Variants in CWC25 observed in about 807,000 individuals in gnomAD.
CWC25 encodes CWC25 spliceosome associated protein.
CWC25 carries 31 observed loss-of-function variants against 54.6 expected under a neutral mutation model. That is an observed-to-expected ratio of 0.57 (90% CI 0.43 to 0.77). The LOEUF (loss-of-function observed/expected upper bound fraction) is 0.77. Ranked by LOEUF, CWC25 falls within the 30% of genes least tolerant of loss-of-function variation. The pLI is 0.00. For synonymous variants in CWC25, 151 were observed against 187.0 expected (o/e 0.81, Z 1.57); for missense variants, 453 against 529.3 (o/e 0.86, Z 1.41).
At chr17:38,803,142 A>G (rs1272096704) in intron 8 of CWC25, among the ~76,000 whole-genome samples, 1 of 152,228 alleles carries the variant, frequency 6.6e-6, no homozygotes, top group East Asian at 1.9e-4. Context: ...AGGAACCTAA[A>G]CTTGTAGCAA....
Position 38,814,937 on chromosome 17 carries a change from T to C in CWC25, c.352A>G (p.Ile118Val), listed in dbSNP as rs1294996980. ...GAATTGGCACCTGATGGGGCAAAGA[T>C]AGAGCCTGGGAGAAGTCCTGTTTCA... ...SSETGLLPGSIFAPSGANSLL... is the reference protein window; with the variant it reads ...SSETGLLPGSVFAPSGANSLL... Residue 118 changes from isoleucine to valine, a missense_variant, in exon 3 of 10, where the codon ATC becomes GTC. Physicochemically the swap from Ile to Val is conservative, Grantham distance 29. This residue lies in a region of CWC25 where 444 missense variants were observed against 499.2 expected (regional missense o/e 0.89). Transcript: ENST00000614790. 6 of 1,613,712 alleles carry C rather than the reference T, an allele frequency of 3.7e-6. No homozygotes were observed. The highest frequency in any genetic ancestry group is 1.7e-5 in the Admixed American group (1 of 59,936).
Position 38,812,787 on chromosome 17 carries a change from C to G in CWC25, c.498+8G>C. On this transcript the variant is annotated splice_region_variant and intron_variant, in intron 4 of 9. Transcript: ENST00000614790. The stretch of plus-strand genomic sequence containing the variant: ...ATGCTCTTGGTGCTTATCTGGTATA[C>G]TACTTACCAATTCTTTGATTTTCTT... 3 of 1,455,694 alleles carry G rather than the reference C, an allele frequency of 2.1e-6. No individual in the cohort carries two copies. The highest frequency in any genetic ancestry group is 2.8e-6 in the Non-Finnish European group (3 of 1,059,594). 90.2% of individuals were successfully genotyped at this position (1,455,694 alleles called of 1,614,324 possible).
At position 38,801,868 on chromosome 17, in the gene CWC25, C is replaced by A. The variant is rs1911041895; in HGVS notation, c.*224G>T. 2.3e-6 allele frequency: 1 copy of A among 426,096 alleles called. No homozygotes were observed. The highest frequency in any genetic ancestry group is 4.2e-6 in the Non-Finnish European group (1 of 238,660). 26.4% of individuals were successfully genotyped at this position (426,096 alleles called of 1,614,324 possible). On this transcript the variant is annotated 3_prime_UTR_variant, in exon 10 of 10. Transcript: ENST00000614790. ...TCCCACCGAGATGGTCCAGTGCCCA[C>A]CCGTTAAAGAGTCAAAACCCAAAGT...
chr17:38,802,785 G>A lies in CWC25; in HGVS notation c.1078C>T (p.Leu360=). 1 of 1,613,982 alleles carries A rather than the reference G, an allele frequency of 6.2e-7. No individual in the cohort carries two copies. ...ENAKWREEER[L]NILKRHAKDE... is the part of the protein sequence containing the mutation. ...TTAGCATGCCTCTTGAGGATGTTCAGTCTCTCCTCCTCCCTCCATTTGGCG... is the reference window on the plus strand; with the variant it reads ...TTAGCATGCCTCTTGAGGATGTTCAATCTCTCCTCCTCCCTCCATTTGGCG... The change falls in exon 9 of 10, where the codon CTG becomes TTG. Residue 360 remains leucine (L), a synonymous_variant. Transcript: ENST00000614790.
At chr17:38,822,189 G>T (rs1415828101) in intron 1 of CWC25, among the ~76,000 whole-genome samples, 1 of 151,992 alleles carries the variant, frequency 6.6e-6, no homozygotes, top group African/African-American at 2.4e-5. Flanking sequence ...TCAGCCTCCT[G>T]AGTAGCTGGG....
At chr17:38,824,452 C>T (rs1411326937) in intron 1 of CWC25, among the ~76,000 whole-genome samples, 1 of 151,414 alleles carries the variant, frequency 6.6e-6, no homozygotes, top group Non-Finnish European at 1.5e-5. Flanking sequence ...TCTGGGAGGC[C>T]GAGGCGGGCG....
chr17:38,816,087 G>A (rs1203354163), intron 2 of CWC25, among the ~76,000 whole-genome samples: 3 of 152,100 alleles, frequency 2.0e-5, no homozygotes. Context: ...AAAGTGGTGA[G>A]AAAGTGGAAC....
chr17:38,806,828 C>G lies in CWC25; in HGVS notation c.839G>C (p.Gly280Ala), dbSNP rs1381359107. The G allele has an allele frequency of 6.2e-7, 1 of 1,613,034 alleles. No individual in the cohort carries two copies. The highest frequency in any genetic ancestry group is 8.5e-7 in the Non-Finnish European group (1 of 1,179,636). ...HASKKSTREA[G>A]SRDRRSRSLG... is the part of the protein sequence containing the mutation. ...GGATCGAGACCTCCTGTCCCGGGAC[C>G]CTGCTTCCCTGGTGCTCTTCTTGCT... is the stretch of plus-strand genomic sequence containing the variant. The change falls in exon 7 of 10, where the codon GGG (glycine) becomes GCG (alanine). Residue 280 changes from glycine to alanine, a missense_variant. Around this residue, in one of 2 missense-constraint regions of CWC25, gnomAD observed 444 missense variants for 499.2 expected, o/e 0.89. Transcript: ENST00000614790.
chr17:38,822,788 CA>C (rs1911975615), intron 1 of CWC25, among the ~76,000 whole-genome samples: 1 of 151,014 alleles, frequency 6.6e-6, no homozygotes, highest in African/African-American at 2.4e-5. Flanking sequence ...GAGAAAGGAG[CA>C]GAATAAGGGC....
At chr17:38,820,654 G>T (rs550986042) in intron 2 of CWC25, among the ~76,000 whole-genome samples, 14 of 152,316 alleles carry the variant, frequency 9.2e-5, no homozygotes, top group African/African-American at 2.6e-4. Context: ...TATCTCATTT[G>T]ATTCTCAACA....
chr17:38,803,253 G>A (rs1243417197), intron 8 of CWC25, among the ~76,000 whole-genome samples: 1 of 152,214 alleles, frequency 6.6e-6, no homozygotes, highest in African/African-American at 2.4e-5. Flanking sequence ...TTGGAGACTA[G>A]AAATTCATGA....
At chr17:38,814,671 G>A (rs553075253) in intron 3 of CWC25, among the ~76,000 whole-genome samples, 190 bp downstream of exon 3, 6 of 144,672 alleles carry the variant, frequency 4.1e-5, no homozygotes, top group South Asian at 2.2e-4. Context: ...GCGTGAACCC[G>A]GCAGACAGAG....
chr17:38,818,839 A>G (rs1399727395), intron 2 of CWC25, among the ~76,000 whole-genome samples: 1 of 152,044 alleles, frequency 6.6e-6, no homozygotes, highest in Admixed American at 6.6e-5. Context: ...CTTTCTCTAC[A>G]GTTGTGCATC....
intron 8 of CWC25, 102 bp from the exon 9 acceptor site, chr17:38,802,963 C>T: frequency 7.3e-7 from 1 of 1,371,448 alleles, no homozygotes; most frequent in African/African-American, 1.4e-5. Context: ...CTCTCCAGTT[C>T]ACTGCTCTCT....
intron 2 of CWC25, among the ~76,000 whole-genome samples, chr17:38,816,530 G>A (rs1022956999): frequency 5.9e-5 from 9 of 152,148 alleles, no homozygotes; most frequent in African/African-American, 2.2e-4. Flanking sequence ...GGGATTACAA[G>A]GGTGAGCCAC....
Position 38,806,822 on chromosome 17 carries a change from C to G in CWC25, c.845G>C (p.Arg282Pro), listed in dbSNP as rs777841025. The G allele has an allele frequency of 6.2e-7, 1 of 1,612,590 alleles. No individual in the cohort carries two copies. Among genetic ancestry groups the G allele is most frequent in the African/African-American group, 1.3e-5 (1 of 74,814 alleles). Residue 282 changes from arginine to proline, a missense_variant, in exon 7 of 10, where the codon CGG (arginine) becomes CCG (proline). By Grantham distance (103) the Arg-to-Pro change is moderately radical. This residue lies in a region of CWC25 where 444 missense variants were observed against 499.2 expected (regional missense o/e 0.89). Transcript: ENST00000614790. ...SKKSTREAGS[R>P]DRRSRSLGRR... ...GCCCAGGGATCGAGACCTCCTGTCCCGGGACCCTGCTTCCCTGGTGCTCTT... is the reference window on the plus strand; with the variant it reads ...GCCCAGGGATCGAGACCTCCTGTCCGGGGACCCTGCTTCCCTGGTGCTCTT...
intron 2 of CWC25, among the ~76,000 whole-genome samples, chr17:38,818,588 CAAAAAAAAAAAAA>C (rs56382375): frequency 6.2e-5 from 3 of 48,500 alleles, no homozygotes; most frequent in East Asian, 6.5e-4. Context: ...GACTCCATCT[CAAAAAAAAAAAAA>C]AAAAAAAAAA....
rs560240531 is a variant in CWC25, at chr17:38,807,117, G to A, written c.691-141C>T. ...CGGGGGGGATCACCTGAGGTCAGGA[G>A]TTCGAGACCAGCCTGGCCAACATGG... On this transcript the variant is annotated intron_variant, in intron 6 of 9. Transcript: ENST00000614790. 21 of 591,388 alleles carry A rather than the reference G, an allele frequency of 3.6e-5. No individual in the cohort carries two copies. The South Asian group carries it at 4.1e-4, about 12-fold the overall frequency. The allele number at this position is 591,388 out of a possible 1,614,324, so 36.6% of individuals were successfully genotyped here. A position where few individuals can be genotyped will look rare whatever the true frequency, so the allele number is the denominator to read the frequency against.
rs766977915 is a variant in CWC25, at chr17:38,806,802, G to A, written c.865C>T (p.Leu289=). ...CTTGGGGACCGTGACCTTCTGCCCA[G>A]GGATCGAGACCTCCTGTCCCGGGAC... ...AGSRDRRSRS[L]GRRSRSPRPS... Residue 289 remains leucine (L), a synonymous_variant, in exon 7 of 10, where the codon CTG becomes TTG. Coordinates refer to ENST00000614790, the MANE Select transcript of CWC25 (RefSeq NM_017748.5). The A allele has an allele frequency of 6.8e-6, 11 of 1,609,066 alleles. No individual in the cohort carries two copies. In the Middle Eastern group the frequency reaches 5.5e-4, roughly 81 times the overall value.
Sources: gnomAD v4.1 joint callset for allele counts (sites outside exome capture counted in the v4.1 genomes callset) on GRCh38, gnomAD v4.1.1 for gene constraint, gnomAD v4.1.1 regional missense constraint, MANE v1.5 for transcripts, NCBI Gene and HGNC (gene_info 2026-07-23, HGNC 2026-07-21) for gene names.